IFI44: variants seen among roughly 807,000 people sequenced by gnomAD.
The protein encoded by IFI44 is interferon induced protein 44.
IFI44 carries 42 observed loss-of-function variants against 45.0 expected under a neutral mutation model. That is an observed-to-expected ratio of 0.93 (90% CI 0.73 to 1.21). The LOEUF (loss-of-function observed/expected upper bound fraction) is 1.21. Among genes scored for constraint, IFI44 ranks in the 50% most tolerant of loss-of-function variants. The probability of loss-of-function intolerance (pLI) is 0.00; values close to 1 mark genes in which losing one functional copy is unlikely to be tolerated. For missense variants in IFI44, 623 were observed against 525.8 expected, an observed-to-expected ratio of 1.18 and a Z score of -1.81; for synonymous variants, 221 against 188.6, an observed-to-expected ratio of 1.17 and a Z score of -1.41.
chr1:78,652,642 G>A (rs1231510590), intron 2 of IFI44, among the ~76,000 whole-genome samples: 7 of 152,080 alleles, frequency 4.6e-5, no homozygotes, highest in African/African-American at 7.2e-5. Flanking sequence ...ATTTTTGTAC[G>A]TAGCAATAGT....
At chr1:78,658,692 G>A (rs1202600501) in intron 5 of IFI44, among the ~76,000 whole-genome samples, 1 of 151,886 alleles carries the variant, frequency 6.6e-6, no homozygotes, top group Non-Finnish European at 1.5e-5. Context: ...TATTTTACTT[G>A]CCTTTTAAAA....
At chr1:78,658,499 A>G (rs1647283359) in intron 5 of IFI44, among the ~76,000 whole-genome samples, 1 of 152,176 alleles carries the variant, frequency 6.6e-6, no homozygotes, top group Admixed American at 6.5e-5. Context: ...ATAACAGTTC[A>G]CTAATTAAAT....
chr1:78,663,393 C>T (rs976910966), intron 8 of IFI44: 1 of 984,982 alleles, frequency 1.0e-6, no homozygotes, highest in Non-Finnish European at 1.2e-6. Flanking sequence ...TATGTAATGG[C>T]CACCGCATTT....
chr1:78,660,719 T>C (rs753230494), intron 7 of IFI44, 65 bp downstream of exon 7: 2 of 1,049,100 alleles, frequency 1.9e-6, no homozygotes, highest in Admixed American at 3.4e-5. Context: ...CATACTAGTG[T>C]GTATAAAAAT....
At chr1:78,653,771 TTG>T (rs1647160485) in intron 2 of IFI44, among the ~76,000 whole-genome samples, 1 of 152,146 alleles carries the variant, frequency 6.6e-6, no homozygotes, top group Non-Finnish European at 1.5e-5. Flanking sequence ...TAATAGCAGG[TTG>T]TAGAGAAAAT....
chr1:78,657,426 A>C (rs1429004046), intron 5 of IFI44, among the ~76,000 whole-genome samples: 1 of 152,070 alleles, frequency 6.6e-6, no homozygotes, highest in Non-Finnish European at 1.5e-5. Flanking sequence ...CTGATTATTG[A>C]GAGTTGAAGC....
chr1:78,656,942 T>C (rs559650569), intron 5 of IFI44, among the ~76,000 whole-genome samples: 27 of 151,806 alleles, frequency 1.8e-4, no homozygotes, highest in Non-Finnish European at 3.5e-4. Flanking sequence ...TGGATTCCCA[T>C]GTACTCAGCA....
intron 8 of IFI44, 114 bp from the exon 9 acceptor site, chr1:78,663,651 G>C: frequency 6.8e-7 from 1 of 1,481,254 alleles, no homozygotes; most frequent in South Asian, 1.4e-5. Flanking sequence ...CTCATGGTAC[G>C]TGTGCTCCTA....
At chr1:78,663,217 C>A (rs1431427146) in intron 8 of IFI44, 16 of 985,188 alleles carry the variant, frequency 1.6e-5, no homozygotes, top group Non-Finnish European at 1.8e-5. Flanking sequence ...GGACCTAGAA[C>A]TGGATTGGAT....
chr1:78,662,539 A>C (rs1410505994), intron 7 of IFI44, 165 bp from the exon 8 acceptor site: 8 of 595,780 alleles, frequency 1.3e-5, no homozygotes, highest in Non-Finnish European at 2.4e-5. Context: ...TTAGAACTTG[A>C]TATGTGAAGT....
At position 78,663,801 on chromosome 1, in the gene IFI44, G is replaced by T. The variant is rs754786867; in HGVS notation, c.1325G>T (p.Gly442Val). Residue 442 changes from glycine to valine, a missense_variant, in exon 9 of 9, where the codon GGA becomes GTA. Gly to Val is a moderately radical substitution (Grantham distance 109, BLOSUM62 -3). Coordinates refer to ENST00000370747, the MANE Select transcript of IFI44 (RefSeq NM_006417.5). Reference sequence around the variant, plus strand: ...GAGGAAATTATCAACTGTGCACAAGGAAAAAAATAGATATGTGAAAGGTTC... The same window carrying T: ...GAGGAAATTATCAACTGTGCACAAGTAAAAAAATAGATATGTGAAAGGTTC... ...LREEIINCAQ[G>V]KK 6 of 1,609,872 alleles carry T rather than the reference G, an allele frequency of 3.7e-6. No homozygotes were observed. Among genetic ancestry groups the T allele is most frequent in the Non-Finnish European group, 5.1e-6 (6 of 1,178,696 alleles).
In IFI44 at chr1:78,662,783, T is replaced by C; in HGVS notation, c.1193T>C (p.Leu398Pro). 1 of 1,613,962 alleles carries C rather than the reference T, an allele frequency of 6.2e-7. No homozygotes were observed. The highest frequency in any genetic ancestry group is 8.5e-7 in the Non-Finnish European group (1 of 1,179,914). Reference protein sequence around the residue: ...VVSNYSSEWELDPVKDVLILS... With the variant: ...VVSNYSSEWEPDPVKDVLILS... Reference sequence around the variant, plus strand: ...AGCAATTATTCCTCTGAGTGGGAGCTGGACCCTGTAAAGGATGTTCTAATT... The same window carrying C: ...AGCAATTATTCCTCTGAGTGGGAGCCGGACCCTGTAAAGGATGTTCTAATT... The change falls in exon 8 of 9, where the codon CTG becomes CCG. Residue 398 changes from leucine to proline, a missense_variant. Transcript: ENST00000370747.
At chr1:78,659,621 C>T in intron 6 of IFI44, 138 bp downstream of exon 6, 2 of 611,996 alleles carry the variant, frequency 3.3e-6, no homozygotes, top group Non-Finnish European at 5.5e-6. Flanking sequence ...CAGGATGCTT[C>T]AATGAAATTG....
intron 5 of IFI44, among the ~76,000 whole-genome samples, chr1:78,657,679 A>G (rs956941337): frequency 2.0e-5 from 3 of 152,156 alleles, no homozygotes; most frequent in Non-Finnish European, 2.9e-5. Context: ...TTTAAAAAGA[A>G]CAACAGGATA....
chr1:78,657,692 T>C (rs996361123), intron 5 of IFI44, among the ~76,000 whole-genome samples: 1 of 152,148 alleles, frequency 6.6e-6, no homozygotes, highest in Non-Finnish European at 1.5e-5. Flanking sequence ...ACAGGATATA[T>C]GCTTGAAATT....
In IFI44 at chr1:78,655,088, T is replaced by C. The variant is rs1421354022; in HGVS notation, c.569T>C (p.Leu190Pro). The change falls in exon 4 of 9, where the codon CTG becomes CCG. Residue 190 changes from leucine (L) to proline (P), a missense_variant. Transcript: ENST00000370747. ...YGSLVQQIRI[L>P]LLGPIGAGKS... ...TCCCTGGTTCAACAAATACGAATTC[T>C]GCTGCTGGGTCCAATTGGAGCTGGG... is the stretch of plus-strand genomic sequence containing the variant. 5 of 1,613,840 alleles carry C rather than the reference T, an allele frequency of 3.1e-6. No individual in the cohort carries two copies. Among genetic ancestry groups the C allele is most frequent in the Middle Eastern group, 1.6e-4 (1 of 6,082 alleles).
At chr1:78,653,997 G>A (rs1647164769) in intron 2 of IFI44, among the ~76,000 whole-genome samples, 1 of 152,174 alleles carries the variant, frequency 6.6e-6, no homozygotes, top group Admixed American at 6.5e-5. Context: ...AATTGAATGA[G>A]AAGAGATCTG....
intron 3 of IFI44, 80 bp downstream of exon 3, chr1:78,654,359 G>T: frequency 2.7e-6 from 2 of 737,676 alleles, no homozygotes; most frequent in South Asian, 3.2e-5. Context: ...CAATATAATT[G>T]GCAACACATA....
intron 5 of IFI44, among the ~76,000 whole-genome samples, chr1:78,656,419 T>A (rs1314230638): frequency 1.3e-5 from 2 of 152,260 alleles, no homozygotes. Context: ...CTGAATGCCT[T>A]TTGTATCTTT....
Sources: gnomAD v4.1 joint callset for allele counts (sites outside exome capture counted in the v4.1 genomes callset) on GRCh38, gnomAD v4.1.1 for gene constraint, MANE v1.5 for transcripts, NCBI Gene and HGNC (gene_info 2026-07-23, HGNC 2026-07-21) for gene names.